Variants in MDN1 observed in about 807,000 individuals in gnomAD.
The protein encoded by MDN1 is midasin AAA ATPase 1.
Under a neutral mutation model 669.2 loss-of-function variants are expected in MDN1, and 266 were observed. The observed-to-expected ratio is 0.40, with a 90% CI of 0.36 to 0.44. The LOEUF (loss-of-function observed/expected upper bound fraction) is 0.44. Among genes scored for constraint, MDN1 ranks in the 20% least tolerant of loss-of-function variants. MDN1 has a pLI of 1.00. For synonymous variants in MDN1, 2,385 were observed against 2,457.1 expected (o/e 0.97, Z 0.87); for missense variants, 5,940 against 6,754.0 (o/e 0.88, Z 4.22).
At chr6:89,717,225 C>T (rs1814436182) in intron 43 of MDN1, among the ~76,000 whole-genome samples, 1 of 152,218 alleles carries the variant, frequency 6.6e-6, no homozygotes, top group Non-Finnish European at 1.5e-5. Flanking sequence ...CTGGTAATTA[C>T]TTGCCAAATG....
At chr6:89,755,523 T>C (rs1223480727) in intron 20 of MDN1, among the ~76,000 whole-genome samples, 1 of 152,214 alleles carries the variant, frequency 6.6e-6, no homozygotes, top group Non-Finnish European at 1.5e-5. Flanking sequence ...ACCAGGATTT[T>C]TGTCTGCCTT....
At chr6:89,795,950 G>A (rs911423437) in intron 2 of MDN1, among the ~76,000 whole-genome samples, 5 of 150,998 alleles carry the variant, frequency 3.3e-5, no homozygotes, top group African/African-American at 7.3e-5. Context: ...GTGAGATTCC[G>A]TCTCAAAACA....
intron 90 of MDN1, among the ~76,000 whole-genome samples, chr6:89,657,892 A>C (rs1163539256): frequency 6.6e-6 from 1 of 152,240 alleles, no homozygotes; most frequent in African/African-American, 2.4e-5. Flanking sequence ...TCAGTACAGT[A>C]ACATACTGTA....
rs4706348 is a variant in MDN1, at chr6:89,732,212, C to T, written c.4942+345G>A. ...TTTGTTTAAGTGTTCAATTTCTTTA[C>T]AATTTTAAGCATTATTCCTAACACA... On this transcript the variant is annotated intron_variant, in intron 34 of 101. Transcript: ENST00000369393. 0.039 allele frequency among the ~76,000 whole-genome samples: 5,595 copies of T among 144,440 alleles called. 617 individuals are homozygous for T. In the East Asian group the frequency reaches 0.41, roughly 11 times the overall value. The allele number at this position is 144,440 out of a possible 152,430, so 94.8% of individuals were successfully genotyped here.
rs1364814870 is a variant in MDN1 at position 89,701,689 on chromosome 6, G to T, written c.8307-11C>A. 5.6e-6 allele frequency: 9 copies of T among 1,610,612 alleles called. No individual in the cohort carries two copies. The highest frequency in any genetic ancestry group is 7.6e-6 in the Non-Finnish European group (9 of 1,178,746). The stretch of plus-strand genomic sequence containing the variant: ...ACTTCTTTGTAATATCTTTAAAGGA[G>T]AACAAGGGCACAGGGGAAATAAGGA... On this transcript the variant is annotated splice_polypyrimidine_tract_variant and intron_variant, in intron 54 of 101. Transcript: ENST00000369393.
intron 52 of MDN1, 135 bp downstream of exon 52, chr6:89,707,226 G>C (rs878918544): frequency 6.2e-5 from 40 of 643,854 alleles, no homozygotes; most frequent in Non-Finnish European, 9.6e-5. Flanking sequence ...TTGAGTAAGG[G>C]GACATGTTTA....
chr6:89,739,863 T>G (rs555706194), intron 32 of MDN1, among the ~76,000 whole-genome samples: 11 of 152,192 alleles, frequency 7.2e-5, no homozygotes, highest in Non-Finnish European at 1.6e-4. Flanking sequence ...TTTAAGAAAG[T>G]GGACTGTAAA....
At chr6:89,796,338 A>AAAC (rs1554199830) in intron 2 of MDN1, among the ~76,000 whole-genome samples, 60 of 134,148 alleles carry the variant, frequency 4.5e-4, no homozygotes, top group Non-Finnish European at 7.7e-4. Context: ...AAAAAAAAAA[A>AAAC]AAAAAAAAAA....
At chr6:89,649,173 T>C (rs1359924367) in intron 97 of MDN1, among the ~76,000 whole-genome samples, 1 of 152,208 alleles carries the variant, frequency 6.6e-6, no homozygotes, top group Non-Finnish European at 1.5e-5. Flanking sequence ...GAAAATTTCA[T>C]TACCATTTGC....
chr6:89,707,358 T>C lies in MDN1; in HGVS notation c.8014+3A>G, dbSNP rs760483008. The C allele has an allele frequency of 6.3e-7, 1 of 1,589,544 alleles. No homozygotes were observed. Among genetic ancestry groups the C allele is most frequent in the Non-Finnish European group, 8.6e-7 (1 of 1,157,692 alleles). On this transcript the variant is annotated splice_donor_region_variant and intron_variant, in intron 52 of 101. Coordinates refer to ENST00000369393, the MANE Select transcript of MDN1 (RefSeq NM_014611.3). ...AGAGAACACAAAAGGTAAATGTTCT[T>C]ACCTTGATGGAATTCAAAGGACATT...
intron 21 of MDN1, 46 bp downstream of exon 21, chr6:89,754,037 A>C: frequency 6.3e-7 from 1 of 1,586,146 alleles, no homozygotes; most frequent in Non-Finnish European, 8.6e-7. Flanking sequence ...CTTCCCATGA[A>C]CCCATCCATT....
chr6:89,645,687 TAG>T (rs1584072738), intron 100 of MDN1, among the ~76,000 whole-genome samples: 1 of 152,206 alleles, frequency 6.6e-6, no homozygotes, highest in Non-Finnish European at 1.5e-5. Flanking sequence ...CAAAAACAAA[TAG>T]AAAGGAAACA....
intron 33 of MDN1, among the ~76,000 whole-genome samples, chr6:89,734,691 A>AAAAAACGAGAGAGAGAG (rs1554188774): frequency 2.7e-5 from 3 of 112,988 alleles, no homozygotes; most frequent in African/African-American, 3.5e-5. Context: ...AAAAAAAAAC[A>AAAAAACGAGAGAGAGAG]AGAGAGAGAG....
At chr6:89,812,188 G>A (rs896321399) in intron 1 of MDN1, among the ~76,000 whole-genome samples, 11 of 151,464 alleles carry the variant, frequency 7.3e-5, no homozygotes, top group African/African-American at 2.4e-4. Flanking sequence ...GTTTCACTAT[G>A]TTGGCCAGGC....
chr6:89,698,736 C>A, intron 59 of MDN1, 129 bp downstream of exon 59: 1 of 834,576 alleles, frequency 1.2e-6, no homozygotes, highest in South Asian at 1.8e-5. Flanking sequence ...TAACATTCTG[C>A]AGAAAGTAAA....
chr6:89,696,604 T>C lies in MDN1; in HGVS notation c.9169-30A>G, dbSNP rs1312374451. 1.9e-6 allele frequency: 3 copies of C among 1,557,752 alleles called. No individual in the cohort carries two copies. In the South Asian group the frequency reaches 3.3e-5, roughly 17 times the overall value. On this transcript the variant is annotated intron_variant, in intron 59 of 101. Coordinates refer to ENST00000369393, the MANE Select transcript of MDN1 (RefSeq NM_014611.3). ...AGGACAAGAGAAGAGTCAATAACTT[T>C]TAGAAATTAAGACAATTTCCAGAAG...
intron 1 of MDN1, among the ~76,000 whole-genome samples, chr6:89,809,249 A>G (rs896878853): frequency 2.0e-5 from 3 of 149,396 alleles, no homozygotes; most frequent in Non-Finnish European, 4.5e-5. Context: ...AGAAGTATGT[A>G]TATTTGACTC....
chr6:89,781,510 T>TC lies in MDN1; in HGVS notation c.1531_1532insG (p.His511ArgfsTer6). 3 of 1,613,982 alleles carry TC rather than the reference T, an allele frequency of 1.9e-6. No homozygotes were observed. Among genetic ancestry groups the TC allele is most frequent in the Non-Finnish European group, 2.5e-6 (3 of 1,179,836 alleles). ...AACAGAACTATCACTCCAAGAGTGA[T>TC]GTTTCTCTCCAGTAAGTTGGATATA... On this transcript the variant is annotated frameshift_variant, in exon 10 of 102. Transcript: ENST00000369393. LOFTEE classifies it high-confidence loss of function.
chr6:89,670,168 A>ATTTTTTTTTTTT lies in MDN1; in HGVS notation c.13956+750_13956+751insAAAAAAAAAAAA, dbSNP rs1431713155. 9.2e-4 allele frequency among the ~76,000 whole-genome samples: 20 copies of ATTTTTTTTTTTT among 21,634 alleles called. No homozygotes were observed. In the Admixed American group the frequency reaches 0.013, roughly 14 times the overall value. 14.2% of individuals were successfully genotyped at this position (21,634 alleles called of 152,430 possible). On this transcript the variant is annotated intron_variant, in intron 83 of 101. Coordinates refer to ENST00000369393, the MANE Select transcript of MDN1 (RefSeq NM_014611.3). ...TATATATATATATATATATATATAT[A>ATTTTTTTTTTTT]TATTTTTTTTTTTTTTTTTTTTGAG... is the stretch of plus-strand genomic sequence containing the variant.
Sources: allele counts gnomAD v4.1 joint callset (sites outside exome capture counted in the v4.1 genomes callset), GRCh38; gene constraint gnomAD v4.1.1; transcripts MANE v1.5; gene names NCBI Gene and HGNC (gene_info 2026-07-23, HGNC 2026-07-21).